Variants in NTM observed in about 807,000 individuals in gnomAD.
NTM encodes IgLON family member 2.
NTM carries 13 observed loss-of-function variants against 42.1 expected under a neutral mutation model. That is an observed-to-expected ratio of 0.31 (90% CI 0.20 to 0.49). The LOEUF is 0.49. Ranked by LOEUF, NTM falls within the 20% of genes least tolerant of loss-of-function variation. The pLI, the probability that NTM is intolerant of heterozygous loss-of-function variation, is 0.99. For missense variants in NTM, 373 were observed against 452.8 expected (o/e 0.82, Z 1.60); for synonymous variants, 187 against 179.2 (o/e 1.04, Z -0.35).
intron 3 of NTM, among the ~76,000 whole-genome samples, chr11:132,185,851 T>G (rs983312897): frequency 1.3e-5 from 2 of 152,154 alleles, no homozygotes; most frequent in African/African-American, 4.8e-5. Context: ...ACTTTATTTT[T>G]GGGCTCGGAT....
chr11:132,185,264 T>C (rs1303490342), intron 3 of NTM, among the ~76,000 whole-genome samples: 2 of 152,226 alleles, frequency 1.3e-5, no homozygotes, highest in Non-Finnish European at 2.9e-5. Flanking sequence ...TCTGTGTGTG[T>C]ACACACAAGC....
intron 2 of NTM, among the ~76,000 whole-genome samples, chr11:131,992,194 A>G (rs2067148162): frequency 6.6e-6 from 1 of 150,748 alleles, no homozygotes; most frequent in African/African-American, 2.5e-5. Context: ...GAGTTTTATG[A>G]TGATTAACTT....
intron 4 of NTM, among the ~76,000 whole-genome samples, chr11:132,305,881 G>A (rs1210768510): frequency 6.6e-6 from 1 of 152,134 alleles, no homozygotes; most frequent in Non-Finnish European, 1.5e-5. Flanking sequence ...GGTCTTTTTG[G>A]CTGTGTTTTC....
At chr11:131,947,784 T>A (rs989582320) in intron 2 of NTM, among the ~76,000 whole-genome samples, 1 of 152,186 alleles carries the variant, frequency 6.6e-6, no homozygotes, top group Non-Finnish European at 1.5e-5. Context: ...ATGTGAGTGA[T>A]GGTGTTCTCT....
chr11:132,179,504 G>T (rs1479930444), intron 3 of NTM, among the ~76,000 whole-genome samples: 1 of 152,116 alleles, frequency 6.6e-6, no homozygotes, highest in African/African-American at 2.4e-5. Context: ...GCTATAAAAT[G>T]GGGCAGTCCG....
intron 1 of NTM, among the ~76,000 whole-genome samples, chr11:131,388,991 G>A (rs1291728148): frequency 9.4e-6 from 1 of 105,950 alleles, no homozygotes; most frequent in African/African-American, 3.9e-5. Flanking sequence ...CAGCCTGGGC[G>A]ACAAGAGCAA....
intron 3 of NTM, among the ~76,000 whole-genome samples, chr11:132,200,399 G>A (rs1592180758): frequency 6.6e-6 from 1 of 152,292 alleles, no homozygotes; most frequent in East Asian, 1.9e-4. Flanking sequence ...CAGGGCTAAT[G>A]ACCCTCCTTT....
chr11:132,105,169 A>G (rs1384110855), intron 2 of NTM, among the ~76,000 whole-genome samples: 6 of 150,776 alleles, frequency 4.0e-5, no homozygotes, highest in South Asian at 2.1e-4. Context: ...GGAAGGATTC[A>G]CCCAAAGCTC....
intron 4 of NTM, among the ~76,000 whole-genome samples, chr11:132,227,106 C>T (rs906993644): frequency 5.3e-5 from 8 of 152,166 alleles, no homozygotes; most frequent in Non-Finnish European, 1.0e-4. Context: ...AGCGTGAAGG[C>T]AGACAACAGC....
intron 1 of NTM, among the ~76,000 whole-genome samples, chr11:131,447,400 G>A (rs1026072364): frequency 6.6e-6 from 1 of 152,082 alleles, no homozygotes; most frequent in Non-Finnish European, 1.5e-5. Flanking sequence ...GATGAATTTT[G>A]GTTGCCTCTT....
At chr11:131,410,831 C>T (rs1946322859) in intron 1 of NTM, among the ~76,000 whole-genome samples, 1 of 152,084 alleles carries the variant, frequency 6.6e-6, no homozygotes, top group Non-Finnish European at 1.5e-5. Context: ...TATTTATATC[C>T]TACTGCTCGA....
In NTM at chr11:131,755,622, C is replaced by G. The variant is rs562928979; in HGVS notation, c.83-155942C>G. Among the ~76,000 whole-genome samples the G allele has an allele frequency of 4.6e-5, 7 of 152,290 alleles. No homozygotes were observed. In the South Asian group the frequency reaches 1.5e-3, roughly 32 times the overall value. On this transcript the variant is annotated intron_variant, in intron 1 of 8. Transcript: ENST00000683400. The stretch of plus-strand genomic sequence containing the variant: ...GCATCCTGTATTTTTATTTCCAAAA[C>G]TTGGCAACTTTTCCAGCATGGTGTA...
intron 1 of NTM, among the ~76,000 whole-genome samples, chr11:131,710,985 T>C (rs2077060454): frequency 6.6e-6 from 1 of 152,136 alleles, no homozygotes; most frequent in Admixed American, 6.6e-5. Flanking sequence ...CAAGGCCTCC[T>C]TTTTACCCCC....
chr11:131,511,936 C>T (rs2048304618), intron 1 of NTM, among the ~76,000 whole-genome samples: 1 of 152,154 alleles, frequency 6.6e-6, no homozygotes, highest in South Asian at 2.1e-4. Context: ...AGGTGCAGGG[C>T]CCGGCCCCTA....
intron 1 of NTM, among the ~76,000 whole-genome samples, chr11:131,543,991 G>T (rs2053611850): frequency 6.6e-6 from 1 of 152,176 alleles, no homozygotes; most frequent in Non-Finnish European, 1.5e-5. Context: ...CAGGAAAGAG[G>T]CTAGGTCCTC....
chr11:132,070,098 C>T (rs1158500124), intron 2 of NTM, among the ~76,000 whole-genome samples: 2 of 142,290 alleles, frequency 1.4e-5, no homozygotes, highest in African/African-American at 2.6e-5. Context: ...CAAGTTAACA[C>T]GTCAAACTGA....
intron 4 of NTM, among the ~76,000 whole-genome samples, chr11:132,250,413 A>AT (rs1044420745): frequency 6.6e-6 from 1 of 152,008 alleles, no homozygotes; most frequent in Admixed American, 6.5e-5. Context: ...CTATGGATTA[A>AT]TTTTTTTATT....
intron 1 of NTM, among the ~76,000 whole-genome samples, chr11:131,693,169 A>C (rs1042030026): frequency 6.6e-6 from 1 of 152,168 alleles, no homozygotes; most frequent in African/African-American, 2.4e-5. Flanking sequence ...GGAAATTCAC[A>C]AACAATCCCA....
At chr11:131,640,430 C>T (rs991421303) in intron 1 of NTM, among the ~76,000 whole-genome samples, 4 of 152,160 alleles carry the variant, frequency 2.6e-5, no homozygotes, top group Admixed American at 6.5e-5. Context: ...TCATTCCTCC[C>T]GTCAGAGGCT....
Sources: allele counts gnomAD v4.1 joint callset (sites outside exome capture counted in the v4.1 genomes callset), GRCh38; gene constraint gnomAD v4.1.1; transcripts MANE v1.5; gene names NCBI Gene and HGNC (gene_info 2026-07-23, HGNC 2026-07-21).